ABCA10: variants seen among roughly 807,000 people sequenced by gnomAD.
ABCA10 encodes ATP-binding cassette sub-family A member 10.
A neutral mutation model predicts 187.5 loss-of-function variants in ABCA10; 169 were observed. The ratio of observed to expected loss-of-function variants is 0.90; its 90% CI spans 0.80 to 1.02. The LOEUF (loss-of-function observed/expected upper bound fraction) is 1.02, where lower values mean the gene tolerates loss of function less well. Ranked by LOEUF, ABCA10 falls within the 50% of genes least tolerant of loss-of-function variation. ABCA10 has a pLI of 0.00. For synonymous variants in ABCA10, 574 were observed against 601.8 expected (o/e 0.95, Z 0.68); for missense variants, 1,727 against 1,812.4 (o/e 0.95, Z 0.86).
intron 3 of ABCA10, among the ~76,000 whole-genome samples, chr17:69,224,747 C>A (rs564998907): frequency 2.0e-5 from 3 of 149,658 alleles, no homozygotes; most frequent in Non-Finnish European, 3.0e-5. Context: ...TGTTGACTTT[C>A]AGTAGCCAAT....
intron 16 of ABCA10, 117 bp downstream of exon 16, chr17:69,192,446 G>A: frequency 1.2e-6 from 1 of 845,346 alleles, no homozygotes; most frequent in South Asian, 1.9e-5. Context: ...GCTGTTTATT[G>A]CAAAACAGTT....
At chr17:69,190,818 TATA>T (rs1218324057) in intron 17 of ABCA10, among the ~76,000 whole-genome samples, 1 of 151,562 alleles carries the variant, frequency 6.6e-6, no homozygotes, top group African/African-American at 2.4e-5. Flanking sequence ...ATTTTATATA[TATA>T]ATAAAATTAT....
Position 69,193,925 on chromosome 17 carries a change from AT to A in ABCA10, c.1409del (p.Asn470IlefsTer17), listed in dbSNP as rs1282797082. 1 of 1,612,266 alleles carries A rather than the reference AT, an allele frequency of 6.2e-7. No individual in the cohort carries two copies. The highest frequency in any genetic ancestry group is 1.3e-5 in the African/African-American group (1 of 74,820). ...AATTGAACTGTGGACAAAATCCAAT[AT>A]TCTTTCTAATTTCTTCCATGTCAGT... ...EITDMEEIRK[N>X]IGFCPQFNFQ... On this transcript the variant is annotated frameshift_variant, in exon 13 of 39. Transcript: ENST00000690296. LOFTEE classifies it high-confidence loss of function.
chr17:69,217,612 T>C (rs772272565), intron 6 of ABCA10, among the ~76,000 whole-genome samples: 3 of 152,210 alleles, frequency 2.0e-5, no homozygotes, highest in African/African-American at 4.8e-5. Flanking sequence ...AATGAGAATT[T>C]GGCATACTTG....
At chr17:69,176,227 T>C (rs1447669304) in intron 22 of ABCA10, among the ~76,000 whole-genome samples, 2 of 152,132 alleles carry the variant, frequency 1.3e-5, no homozygotes, top group East Asian at 1.9e-4. Flanking sequence ...CTAATAGTGA[T>C]TGTTGTGAAG....
At chr17:69,181,969 T>C (rs1482407657) in intron 22 of ABCA10, among the ~76,000 whole-genome samples, 184 bp downstream of exon 22, 1 of 152,026 alleles carries the variant, frequency 6.6e-6, no homozygotes, top group African/African-American at 2.4e-5. Context: ...TTCACAATAA[T>C]TCTATAAAGT....
chr17:69,161,493 A>G (rs921615666), intron 27 of ABCA10, among the ~76,000 whole-genome samples: 1 of 152,246 alleles, frequency 6.6e-6, no homozygotes, highest in African/African-American at 2.4e-5. Context: ...ACTAGAAACA[A>G]ATAGGTAAAT....
chr17:69,187,591 T>G, intron 19 of ABCA10, 90 bp downstream of exon 19: 2 of 1,342,230 alleles, frequency 1.5e-6, no homozygotes, highest in Middle Eastern at 2.4e-4. Flanking sequence ...AACTGTTAAA[T>G]GAATGAATAA....
At chr17:69,213,441 T>C (rs1351373271) in intron 9 of ABCA10, among the ~76,000 whole-genome samples, 2 of 151,632 alleles carry the variant, frequency 1.3e-5, no homozygotes. Flanking sequence ...AGACCAACGG[T>C]GTTATGTTCC....
chr17:69,160,346 C>T (rs1013264882), intron 27 of ABCA10, among the ~76,000 whole-genome samples: 9 of 152,138 alleles, frequency 5.9e-5, no homozygotes, highest in Admixed American at 1.3e-4. Flanking sequence ...CGGTGGCTCA[C>T]GCCTGCAATC....
At chr17:69,208,947 T>G (rs1598116037) in intron 9 of ABCA10, among the ~76,000 whole-genome samples, 1 of 151,858 alleles carries the variant, frequency 6.6e-6, no homozygotes, top group South Asian at 2.1e-4. Context: ...GAGGCTGAGG[T>G]GGGAGGATAG....
intron 1 of ABCA10, among the ~76,000 whole-genome samples, chr17:69,228,128 C>T (rs2144856004): frequency 1.3e-5 from 2 of 152,054 alleles, no homozygotes; most frequent in South Asian, 4.1e-4. Flanking sequence ...TAAATTCTAA[C>T]TTAAGAAAGT....
At position 69,214,785 on chromosome 17, in the gene ABCA10, T is replaced by C; in HGVS notation, c.925A>G (p.Met309Val). Residue 309 changes from methionine (M) to valine (V), a missense_variant, in exon 9 of 39, where the codon ATG (methionine) becomes GTG (valine). Transcript: ENST00000690296. ...GCCAAAATGAAAAAAGTGGCTATCA[T>C]TTTGTATGAATCCCCAGAGGGATCA... ...FPDPSGDSYK[M>V]IATFFILAFD... 6.6e-7 allele frequency: 1 copy of C among 1,509,224 alleles called. No homozygotes were observed. Among genetic ancestry groups the C allele is most frequent in the Non-Finnish European group, 8.8e-7 (1 of 1,134,672 alleles). 93.5% of individuals were successfully genotyped at this position (1,509,224 alleles called of 1,614,324 possible). A position where few individuals can be genotyped will look rare whatever the true frequency, so the allele number is the denominator to read the frequency against.
chr17:69,223,077 G>A (rs1323692483), intron 3 of ABCA10, among the ~76,000 whole-genome samples: 2 of 152,048 alleles, frequency 1.3e-5, no homozygotes, highest in Non-Finnish European at 2.9e-5. Context: ...TAGGGGAGGA[G>A]AGGAAGTAGT....
chr17:69,238,149 G>T (rs566080137), intron 1 of ABCA10, among the ~76,000 whole-genome samples: 1 of 124,066 alleles, frequency 8.1e-6, no homozygotes, highest in Non-Finnish European at 1.7e-5. Context: ...GCAACAGAGT[G>T]AGACTCTGTC....
intron 27 of ABCA10, among the ~76,000 whole-genome samples, chr17:69,162,853 A>ATATATATATATG (rs879584508): frequency 1.3e-5 from 2 of 149,530 alleles, no homozygotes; most frequent in Admixed American, 6.8e-5. Context: ...ATATATATAT[A>ATATATATATATG]TATGAGACGG....
chr17:69,193,795 T>C lies in ABCA10; in HGVS notation c.1521+19A>G. ...AGTAAATTATTTCCAAAGCCATCAA[T>C]CTTAATGTGTTCCTGTACCTCTTGT... On this transcript the variant is annotated intron_variant, in intron 13 of 38. Transcript: ENST00000690296. 6.2e-7 allele frequency: 1 copy of C among 1,606,962 alleles called. No individual in the cohort carries two copies. Among genetic ancestry groups the C allele is most frequent in the Non-Finnish European group, 8.5e-7 (1 of 1,178,110 alleles).
chr17:69,201,741 C>A, intron 9 of ABCA10, 73 bp from the exon 10 acceptor site: 1 of 1,201,690 alleles, frequency 8.3e-7, no homozygotes, highest in Non-Finnish European at 1.1e-6. Context: ...CTGTCCTTTA[C>A]TTGATATCAA....
intron 25 of ABCA10, among the ~76,000 whole-genome samples, chr17:69,165,925 CT>C (rs1432349790): frequency 6.6e-6 from 1 of 152,036 alleles, no homozygotes; most frequent in Non-Finnish European, 1.5e-5. Context: ...ATAAACAAAT[CT>C]ATTATGAAAA....
Sources: allele counts gnomAD v4.1 joint callset (sites outside exome capture counted in the v4.1 genomes callset), GRCh38; gene constraint gnomAD v4.1.1; transcripts MANE v1.5; gene names NCBI Gene and HGNC (gene_info 2026-07-23, HGNC 2026-07-21).